The following SPATA18 variants were observed in gnomAD, a reference collection of about 807,000 sequenced individuals.
The protein encoded by SPATA18 is spermatogenesis associated 18, also known as mitochondria-eating protein.
A neutral mutation model predicts 68.1 loss-of-function variants in SPATA18; 54 were observed. That is an observed-to-expected ratio of 0.79 (90% CI 0.64 to 0.99). SPATA18 has a LOEUF of 0.99. Ranked by LOEUF, SPATA18 falls within the 50% of genes least tolerant of loss-of-function variation. The pLI is 0.00. For synonymous variants in SPATA18, 242 were observed against 244.8 expected (o/e 0.99, Z 0.11); for missense variants, 724 against 681.1 (o/e 1.06, Z -0.70).
chr4:52,084,799 G>A (rs1185192139), intron 10 of SPATA18, 117 bp from the exon 11 acceptor site: 15 of 950,928 alleles, frequency 1.6e-5, no homozygotes, highest in Non-Finnish European at 2.3e-5. Flanking sequence ...ATCAGTAATG[G>A]GCAAGTGTAA....
At chr4:52,071,488 G>A (rs1266932375) in intron 5 of SPATA18, among the ~76,000 whole-genome samples, 1 of 152,170 alleles carries the variant, frequency 6.6e-6, no homozygotes, top group Admixed American at 6.5e-5. Context: ...CAATTAATAT[G>A]TTAAAAATAG....
intron 4 of SPATA18, among the ~76,000 whole-genome samples, chr4:52,066,535 G>A (rs1164114053): frequency 6.6e-6 from 1 of 152,194 alleles, no homozygotes; most frequent in African/African-American, 2.4e-5. Flanking sequence ...GGATACACGT[G>A]CAGGATGTGC....
intron 5 of SPATA18, among the ~76,000 whole-genome samples, chr4:52,070,758 T>A (rs2680907): frequency 0.31 from 46,444 of 152,046 alleles, 8,124 homozygotes; most frequent in East Asian, 0.61. Context: ...TGACCATATA[T>A]TAGCCTGCAA....
chr4:52,078,901 T>C lies in SPATA18; in HGVS notation c.1179+8T>C. ...TCTCAAAGCAGTGTCAATGTAAGTG[T>C]TGAGTCTTTTATTAGGACTGGTTTG... On this transcript the variant is annotated splice_region_variant and intron_variant, in intron 8 of 12. Coordinates refer to ENST00000295213, the MANE Select transcript of SPATA18 (RefSeq NM_145263.4). 6.4e-7 allele frequency: 1 copy of C among 1,567,852 alleles called. No homozygotes were observed. Among genetic ancestry groups the C allele is most frequent in the Non-Finnish European group, 8.7e-7 (1 of 1,145,120 alleles).
chr4:52,090,935 G>T (rs568726655), intron 11 of SPATA18, among the ~76,000 whole-genome samples: 9 of 152,202 alleles, frequency 5.9e-5, no homozygotes, highest in African/African-American at 2.2e-4. Context: ...TCAGTCAAAT[G>T]TAGATTTGGT....
chr4:52,067,371 GT>G (rs1156475255), intron 4 of SPATA18, among the ~76,000 whole-genome samples: 1 of 151,864 alleles, frequency 6.6e-6, no homozygotes, highest in East Asian at 1.9e-4. Flanking sequence ...TTTTAAGTTT[GT>G]TTAAGTATTC....
At chr4:52,088,835 T>C (rs1467062818) in intron 11 of SPATA18, among the ~76,000 whole-genome samples, 1 of 152,236 alleles carries the variant, frequency 6.6e-6, no homozygotes, top group Non-Finnish European at 1.5e-5. Context: ...TTCTATTGTT[T>C]GGAATAGTTT....
chr4:52,057,622 C>T (rs1738467148), intron 1 of SPATA18, among the ~76,000 whole-genome samples: 1 of 152,174 alleles, frequency 6.6e-6, no homozygotes, highest in African/African-American at 2.4e-5. Flanking sequence ...TTATGCTAGA[C>T]TCTGCTCATG....
chr4:52,057,572 A>T (rs1279838595), intron 1 of SPATA18, among the ~76,000 whole-genome samples: 1 of 152,228 alleles, frequency 6.6e-6, no homozygotes, highest in Non-Finnish European at 1.5e-5. Context: ...ATAGATAGTA[A>T]TGATACCACA....
In SPATA18 at chr4:52,084,954, G is replaced by T; in HGVS notation, c.1518G>T (p.Arg506Ser). 1 of 1,613,804 alleles carries T rather than the reference G, an allele frequency of 6.2e-7. No individual in the cohort carries two copies. Among genetic ancestry groups the T allele is most frequent in the Non-Finnish European group, 8.5e-7 (1 of 1,179,940 alleles). The change falls in exon 11 of 13, where the codon AGG (arginine) becomes AGT (serine). Residue 506 changes from arginine (R) to serine (S), a missense_variant. Arg to Ser is a moderately radical substitution (Grantham distance 110). Coordinates refer to ENST00000295213, the MANE Select transcript of SPATA18 (RefSeq NM_145263.4). ...GATCTGTAAGTCGTTGTCGAAGCAG[G>T]AGTTTAAGTCCCATTTGCCCCCGTA... ...SVRSVSRCRS[R>S]SLSPICPRSQ... is the part of the protein sequence containing the mutation.
intron 6 of SPATA18, among the ~76,000 whole-genome samples, chr4:52,074,648 G>C (rs1363808589): frequency 6.6e-6 from 1 of 152,174 alleles, no homozygotes; most frequent in Non-Finnish European, 1.5e-5. Flanking sequence ...GCAGTGATTA[G>C]ACAGATTCAG....
chr4:52,074,626 G>A (rs1344956840), intron 6 of SPATA18, among the ~76,000 whole-genome samples: 1 of 152,140 alleles, frequency 6.6e-6, no homozygotes, highest in African/African-American at 2.4e-5. Flanking sequence ...TGTCTGAAAG[G>A]CTTAAAAATG....
chr4:52,073,589 T>A (rs973737799), intron 6 of SPATA18, among the ~76,000 whole-genome samples: 1 of 152,096 alleles, frequency 6.6e-6, no homozygotes, highest in Non-Finnish European at 1.5e-5. Flanking sequence ...CTGAGCAACA[T>A]GGCAAGAACT....
chr4:52,085,411 T>G (rs1359617508), intron 11 of SPATA18, among the ~76,000 whole-genome samples: 2 of 152,184 alleles, frequency 1.3e-5, no homozygotes, highest in Non-Finnish European at 2.9e-5. Flanking sequence ...CAATACCTTA[T>G]AAAGGGCATT....
intron 11 of SPATA18, among the ~76,000 whole-genome samples, chr4:52,094,119 A>G (rs1742219762): frequency 6.6e-6 from 1 of 152,152 alleles, no homozygotes; most frequent in Middle Eastern, 3.2e-3. Context: ...AGTGAAAGTA[A>G]AGGTGAGATT....
intron 1 of SPATA18, among the ~76,000 whole-genome samples, chr4:52,054,632 T>C (rs530203934): frequency 6.6e-6 from 1 of 152,150 alleles, no homozygotes; most frequent in South Asian, 2.1e-4. Context: ...ACATCAAAGG[T>C]GGAGGCAGGG....
intron 6 of SPATA18, 73 bp from the exon 7 acceptor site, chr4:52,076,706 C>T: frequency 6.3e-7 from 1 of 1,580,108 alleles, no homozygotes; most frequent in Non-Finnish European, 8.6e-7. Context: ...GATTCATTGG[C>T]CACCAGATGA....
chr4:52,072,905 T>C (rs1739989266), intron 6 of SPATA18, among the ~76,000 whole-genome samples: 1 of 152,124 alleles, frequency 6.6e-6, no homozygotes, highest in South Asian at 2.1e-4. Context: ...GTAGGTGAAG[T>C]GTTCTTGTGA....
At chr4:52,077,663 T>C (rs1290615103) in intron 7 of SPATA18, among the ~76,000 whole-genome samples, 1 of 152,172 alleles carries the variant, frequency 6.6e-6, no homozygotes, top group Non-Finnish European at 1.5e-5. Context: ...ACAGTGGATA[T>C]ATTATTGCTA....
Sources: allele counts gnomAD v4.1 joint callset (sites outside exome capture counted in the v4.1 genomes callset), GRCh38; gene constraint gnomAD v4.1.1; transcripts MANE v1.5; gene names NCBI Gene and HGNC (gene_info 2026-07-23, HGNC 2026-07-21).